Variants in CHD2 observed in about 807,000 individuals in gnomAD.
CHD2 encodes chromodomain helicase DNA binding protein 2.
Under a neutral mutation model 243.9 loss-of-function variants are expected in CHD2, and 28 were observed. The ratio of observed to expected loss-of-function variants is 0.11; its 90% CI spans 0.09 to 0.16. The LOEUF is 0.16. Among genes scored for constraint, CHD2 ranks in the 10% least tolerant of loss-of-function variants. CHD2 has a pLI of 1.00. For synonymous variants in CHD2, 775 were observed against 779.0 expected, an observed-to-expected ratio of 0.99 and a Z score of 0.09; for missense variants, 1,386 against 2,209.8, an observed-to-expected ratio of 0.63 and a Z score of 7.47.
chr15:92,926,800 T>TA (rs2053069906), intron 3 of CHD2, among the ~76,000 whole-genome samples: 1 of 152,214 alleles, frequency 6.6e-6, no homozygotes, highest in African/African-American at 2.4e-5. Flanking sequence ...TAAAGAAAAA[T>TA]ACAAATTCCT....
At chr15:93,004,837 A>C in intron 34 of CHD2, 86 bp downstream of exon 34, 1 of 1,407,808 alleles carries the variant, frequency 7.1e-7, no homozygotes, top group Non-Finnish European at 9.7e-7. Context: ...CCAGAGCTTC[A>C]GTTGAGCTAA....
intron 28 of CHD2, chr15:92,993,295 G>A (rs913421560): frequency 1.3e-5 from 4 of 302,174 alleles, no homozygotes; most frequent in African/African-American, 8.5e-5. Flanking sequence ...GGCAGAGCTT[G>A]GTGGACACCT....
At chr15:92,960,057 T>C (rs535780998) in intron 16 of CHD2, among the ~76,000 whole-genome samples, 2 of 152,344 alleles carry the variant, frequency 1.3e-5, no homozygotes, top group Admixed American at 6.5e-5. Flanking sequence ...TCTCAGTGTT[T>C]AGTGGTTTTT....
At chr15:93,007,862 G>A (rs561440425) in intron 34 of CHD2, among the ~76,000 whole-genome samples, 1 of 152,226 alleles carries the variant, frequency 6.6e-6, no homozygotes, top group African/African-American at 2.4e-5. Flanking sequence ...TTCTTTCCAA[G>A]ATCTTTTTCC....
chr15:93,009,428 C>G, intron 35 of CHD2, 105 bp downstream of exon 35: 3 of 1,073,634 alleles, frequency 2.8e-6, no homozygotes, highest in South Asian at 3.4e-5. Context: ...AAATCTTTCT[C>G]CCAGCACAAC....
intron 10 of CHD2, chr15:92,945,585 A>T: frequency 4.5e-6 from 1 of 221,702 alleles, no homozygotes; most frequent in Non-Finnish European, 8.9e-6. Flanking sequence ...TTTAGTAGAG[A>T]CAGAGTTTCA....
intron 2 of CHD2, among the ~76,000 whole-genome samples, chr15:92,917,274 T>G (rs2052857376): frequency 6.6e-6 from 1 of 152,182 alleles, no homozygotes. Context: ...ATAAGAAATG[T>G]GTGGCCAGGC....
chr15:93,010,660 G>A (rs1289282158), intron 35 of CHD2, among the ~76,000 whole-genome samples: 1 of 152,156 alleles, frequency 6.6e-6, no homozygotes, highest in African/African-American at 2.4e-5. Context: ...CTGACCTTAG[G>A]TGATCCGCCC....
rs116033769 is a variant in CHD2, at chr15:92,917,090, G to A, written c.63-7231G>A. ...ATTTTTGATAGGTAATTCTTCATAT[G>A]TTGTGTATCTATATACTTTGTTATG... is the stretch of plus-strand genomic sequence containing the variant. On this transcript the variant is annotated intron_variant, in intron 2 of 38. Transcript: ENST00000394196. Among the ~76,000 whole-genome samples the A allele has an allele frequency of 9.8e-3, 1,491 of 152,272 alleles. 26 individuals carry two copies. The highest frequency in any genetic ancestry group is 0.033 in the African/African-American group (1,382 of 41,542).
intron 21 of CHD2, 144 bp downstream of exon 21, chr15:92,978,527 A>C: frequency 1.2e-6 from 1 of 833,608 alleles, no homozygotes; most frequent in Admixed American, 2.9e-5. Context: ...GTTAACTAGC[A>C]CAGAGATGTT....
intron 36 of CHD2, among the ~76,000 whole-genome samples, 162 bp downstream of exon 36, chr15:93,012,606 T>C (rs568397687): frequency 6.6e-6 from 1 of 152,366 alleles, no homozygotes; most frequent in South Asian, 2.1e-4. Context: ...AGCCAATGTA[T>C]TGGAGCCTAA....
intron 16 of CHD2, among the ~76,000 whole-genome samples, chr15:92,959,584 C>T (rs974506852): frequency 4.6e-5 from 7 of 152,124 alleles, no homozygotes; most frequent in South Asian, 2.1e-4. Flanking sequence ...GTCTGCCTCC[C>T]GGGCTCAAGT....
intron 7 of CHD2, 78 bp from the exon 8 acceptor site, chr15:92,941,744 A>T: frequency 7.1e-7 from 1 of 1,416,936 alleles, no homozygotes; most frequent in East Asian, 2.3e-5. Context: ...ATGGTTTCTT[A>T]TTCTAGTGAC....
chr15:92,911,976 C>T (rs1347019210), intron 2 of CHD2, among the ~76,000 whole-genome samples: 1 of 152,062 alleles, frequency 6.6e-6, no homozygotes, highest in African/African-American at 2.4e-5. Context: ...TAAAATGTTG[C>T]CCTGAAGTGA....
At position 93,004,642 on chromosome 15, in the gene CHD2, C is replaced by T; in HGVS notation, c.4304C>T (p.Ser1435Leu). 1 of 1,612,182 alleles carries T rather than the reference C, an allele frequency of 6.2e-7. No homozygotes were observed. The highest frequency in any genetic ancestry group is 8.5e-7 in the Non-Finnish European group (1 of 1,178,882). ...CCTAAAAGTGGTGATGCCAAATCTTCGAGTAAATCAAAGCGATCTCAGGGT... is the reference window on the plus strand; with the variant it reads ...CCTAAAAGTGGTGATGCCAAATCTTTGAGTAAATCAAAGCGATCTCAGGGT... ...EKPKSGDAKS[S>L]SKSKRSQGPV... Residue 1435 changes from serine to leucine, a missense_variant, in exon 34 of 39, where the codon TCG becomes TTG. Physicochemically the swap from Ser to Leu is moderately radical, Grantham distance 145. Coordinates refer to ENST00000394196, the MANE Select transcript of CHD2 (RefSeq NM_001271.4).
intron 17 of CHD2, among the ~76,000 whole-genome samples, chr15:92,971,388 C>T (rs1263730033): frequency 6.6e-6 from 1 of 151,992 alleles, no homozygotes; most frequent in African/African-American, 2.4e-5. Flanking sequence ...CCTTTGTGTA[C>T]ACACACACAC....
chr15:92,998,853 G>T lies in CHD2; in HGVS notation c.4008+232G>T, dbSNP rs1227695916. 1.3e-5 allele frequency among the ~76,000 whole-genome samples: 2 copies of T among 152,044 alleles called. No homozygotes were observed. Among genetic ancestry groups the T allele is most frequent in the Non-Finnish European group, 2.9e-5 (2 of 67,994 alleles). ...AATCCCAGCACTTTGGGAGGCTGAG[G>T]CGGGCGGATCACAAGGTCAGGAGAT... On this transcript the variant is annotated intron_variant, in intron 31 of 38. Coordinates refer to ENST00000394196, the MANE Select transcript of CHD2 (RefSeq NM_001271.4). This position sits in a 1 kb window ranked among gnomAD's most constrained non-coding sequence, Gnocchi z 5.1.
chr15:92,969,604 G>A (rs755550520), intron 17 of CHD2, among the ~76,000 whole-genome samples: 1 of 152,200 alleles, frequency 6.6e-6, no homozygotes, highest in Non-Finnish European at 1.5e-5. Flanking sequence ...CTTTGCAACT[G>A]CAACAAACAT....
At chr15:92,913,271 T>C (rs985118010) in intron 2 of CHD2, among the ~76,000 whole-genome samples, 5 of 152,188 alleles carry the variant, frequency 3.3e-5, no homozygotes, top group Non-Finnish European at 7.3e-5. Context: ...TGTAGAATCT[T>C]GGGCAGGAGT....
Sources: allele counts gnomAD v4.1 joint callset (sites outside exome capture counted in the v4.1 genomes callset), GRCh38; gene constraint gnomAD v4.1.1; non-coding constraint Gnocchi (gnomAD v3.1); transcripts MANE v1.5; gene names NCBI Gene and HGNC (gene_info 2026-07-23, HGNC 2026-07-21).